Variants in PDIA2 observed in about 807,000 individuals in gnomAD.
PDIA2 encodes protein disulfide isomerase family A member 2, also known as protein disulfide-isomerase A2.
Under a neutral mutation model 51.1 loss-of-function variants are expected in PDIA2, and 76 were observed. The ratio of observed to expected loss-of-function variants is 1.49; its 90% CI spans 1.24 to 1.80. The LOEUF (loss-of-function observed/expected upper bound fraction) is 1.80, where lower values mean the gene tolerates loss of function less well. PDIA2 is among the 40% of genes most tolerant of loss of function. PDIA2 has a pLI of 0.00. For synonymous variants in PDIA2, 429 were observed against 309.9 expected (o/e 1.38, Z -4.04); for missense variants, 946 against 706.5 (o/e 1.34, Z -3.84).
intron 3 of PDIA2, 41 bp from the exon 4 acceptor site, chr16:284,837 G>A (rs1290074548): frequency 1.2e-6 from 2 of 1,605,720 alleles, no homozygotes; most frequent in Non-Finnish European, 1.7e-6. Context: ...GGCAGTGACT[G>A]TGGGTGGGAC....
rs372802684 is a variant in PDIA2 at position 284,812 on chromosome 16, G to T, written c.540+20G>T. The T allele has an allele frequency of 1.4e-5, 22 of 1,588,776 alleles. No individual in the cohort carries two copies. The South Asian group carries it at 1.5e-4, about 11-fold the overall frequency. ...TTCCAGGTGAGCCACTGGGCATGGG[G>T]GGCCGGGCCATGAGGGCAGTGACTG... On this transcript the variant is annotated intron_variant, in intron 3 of 10. Transcript: ENST00000219406.
intron 1 of PDIA2, 96 bp downstream of exon 1, chr16:283,464 C>T: frequency 7.8e-7 from 1 of 1,281,696 alleles, no homozygotes; most frequent in Non-Finnish European, 1.0e-6. Context: ...GGGCATGTGC[C>T]CAAGAGGGGC....
In PDIA2 at chr16:286,889, A is replaced by C. The variant is rs768913981; in HGVS notation, c.1477A>C (p.Asn493His). The change falls in exon 10 of 11, where the codon AAC (asparagine) becomes CAC (histidine). Residue 493 changes from asparagine to histidine, a missense_variant. By Grantham distance (68) the Asn-to-His change is moderately conservative (BLOSUM62 1). Coordinates refer to ENST00000219406, the MANE Select transcript of PDIA2 (RefSeq NM_006849.4). ...GGAGACTTTCTCCAAGTTCCTGGACAACGGGGGCGTGCTGCCCACGGAGGA... is the reference window on the plus strand; with the variant it reads ...GGAGACTTTCTCCAAGTTCCTGGACCACGGGGGCGTGCTGCCCACGGAGGA... ...DLETFSKFLDNGGVLPTEEPP... is the reference protein window; with the variant it reads ...DLETFSKFLDHGGVLPTEEPP... 6.2e-7 allele frequency: 1 copy of C among 1,600,788 alleles called. No individual in the cohort carries two copies. Among genetic ancestry groups the C allele is most frequent in the Non-Finnish European group, 8.5e-7 (1 of 1,175,976 alleles).
Position 284,690 on chromosome 16 carries a change from G to A in PDIA2, c.438G>A (p.Trp146Ter). 6.3e-7 allele frequency: 1 copy of A among 1,586,252 alleles called. No homozygotes were observed. The highest frequency in any genetic ancestry group is 2.3e-5 in the East Asian group (1 of 44,330). ...GPRDAEGIAE[W>*]LRRRVGPSAM... ...GGGACGCTGAGGGCATTGCCGAGTGGCTGCGACGGCGGGTGGGGCCCAGTG... is the reference window on the plus strand; with the variant it reads ...GGGACGCTGAGGGCATTGCCGAGTGACTGCGACGGCGGGTGGGGCCCAGTG... Residue 146 changes from tryptophan (W) to a stop codon, truncating the protein, a stop_gained, in exon 3 of 11, where the codon TGG (tryptophan) becomes TGA (stop). Coordinates refer to ENST00000219406, the MANE Select transcript of PDIA2 (RefSeq NM_006849.4). LOFTEE classifies it high-confidence loss of function.
intron 4 of PDIA2, 26 bp downstream of exon 4, chr16:285,041 G>A (rs1159486492): frequency 6.2e-7 from 1 of 1,613,152 alleles, no homozygotes; most frequent in Admixed American, 1.7e-5. Context: ...GTGTGGGTTG[G>A]GGTCCGGCTG....
intron 7 of PDIA2, among the ~76,000 whole-genome samples, chr16:285,949 CCCCAACCCCG>C (rs2052360853): frequency 3.4e-5 from 3 of 89,232 alleles, no homozygotes; most frequent in Non-Finnish European, 6.7e-5. Flanking sequence ...CCAACCCCAA[CCCCAACCCCG>C]CGGTTCTCCC....
Position 285,146 on chromosome 16 carries a change from G to C in PDIA2, c.741G>C (p.Leu247=), listed in dbSNP as rs369622450. 2.5e-6 allele frequency: 4 copies of C among 1,613,004 alleles called. No homozygotes were observed. The highest frequency in any genetic ancestry group is 4.5e-5 in the East Asian group (2 of 44,900). ...AGCTTGGCCTGGACCTGGGGGATCTGTCGCGCTTCCTGGTCACACACAGCA... is the reference window on the plus strand; with the variant it reads ...AGCTTGGCCTGGACCTGGGGGATCTCTCGCGCTTCCTGGTCACACACAGCA... ...DEELGLDLGD[L]SRFLVTHSMR... Residue 247 remains leucine (L), a synonymous_variant, in exon 5 of 11, where the codon CTG becomes CTC. Coordinates refer to ENST00000219406, the MANE Select transcript of PDIA2 (RefSeq NM_006849.4).
rs182349041 is a variant in PDIA2 at position 284,531 on chromosome 16, C to G, written c.344C>G (p.Thr115Arg). 1.6e-5 allele frequency: 25 copies of G among 1,612,382 alleles called. No homozygotes were observed. Among genetic ancestry groups the G allele is most frequent in the Non-Finnish European group, 2.0e-5 (24 of 1,179,676 alleles). Residue 115 changes from threonine (T) to arginine (R), a missense_variant, in exon 2 of 11, where the codon ACG becomes AGG. By Grantham distance (71) the Thr-to-Arg change is moderately conservative (BLOSUM62 -1). Transcript: ENST00000219406. ...GAGCTGGCTGAGGAGTTTGGTGTGA[C>G]GGAGTACCCTACGCTCAAGTTCTTC... ...QRELAEEFGV[T>R]EYPTLKFFRN...
At position 286,663 on chromosome 16, in the gene PDIA2, CA is replaced by C. The variant is rs1301403003; in HGVS notation, c.1352del (p.Asn451ThrfsTer25). 1 of 1,612,686 alleles carries C rather than the reference CA, an allele frequency of 6.2e-7. No individual in the cohort carries two copies. Among genetic ancestry groups the C allele is most frequent in the South Asian group, 1.1e-5 (1 of 91,078 alleles). On this transcript the variant is annotated frameshift_variant, in exon 9 of 11. Coordinates refer to ENST00000219406, the MANE Select transcript of PDIA2 (RefSeq NM_006849.4). LOFTEE classifies it high-confidence loss of function. ...TCATTGCTGAGCTGGATGCCACGGC[CA>C]ACGAGCTGGATGCCTTCGCTGTGCA... ...IIIAELDATA[N>X]ELDAFAVHGF...
chr16:283,273 A>T lies in PDIA2; in HGVS notation c.104A>T (p.Glu35Val). ...GARSPSEEPP[E>V]EEIPKEDGIL... ...AGGAGCCCCTCGGAGGAGCCTCCAG[A>T]GGAGGAAATCCCCAAGGAGGATGGG... Residue 35 changes from glutamate (E) to valine (V), a missense_variant, in exon 1 of 11, where the codon GAG becomes GTG. Coordinates refer to ENST00000219406, the MANE Select transcript of PDIA2 (RefSeq NM_006849.4). 1 of 1,610,116 alleles carries T rather than the reference A, an allele frequency of 6.2e-7. No homozygotes were observed. The highest frequency in any genetic ancestry group is 1.7e-5 in the Admixed American group (1 of 59,736).
At chr16:285,917 C>T (rs191658750) in intron 7 of PDIA2, among the ~76,000 whole-genome samples, 6 of 114,710 alleles carry the variant, frequency 5.2e-5, no homozygotes, top group Admixed American at 8.2e-5. Flanking sequence ...ACCCCAACCC[C>T]GCGGTTCTCC....
At chr16:285,902 T>TCCCAACCCCAACCCCAAC in intron 7 of PDIA2, among the ~76,000 whole-genome samples, 199 bp downstream of exon 7, 1 of 42,132 alleles carries the variant, frequency 2.4e-5, no homozygotes, top group African/African-American at 1.4e-4. Flanking sequence ...CCCGCGGTTC[T>TCCCAACCCCAACCCCAAC]CCCAACCCCA....
chr16:286,482 T>C lies in PDIA2; in HGVS notation c.1240+9T>C. On this transcript the variant is annotated intron_variant, in intron 8 of 10. Transcript: ENST00000219406. The stretch of plus-strand genomic sequence containing the variant: ...TGTGTTTGTCAAGTTCTGTGAGTGT[T>C]GAGGGAGGCAGGGGTGGTGTGGGCT... 1 of 1,613,044 alleles carries C rather than the reference T, an allele frequency of 6.2e-7. No individual in the cohort carries two copies. The highest frequency in any genetic ancestry group is 1.3e-5 in the African/African-American group (1 of 74,918).
At chr16:284,291 T>G (rs2052324241) in intron 1 of PDIA2, 96 bp from the exon 2 acceptor site, 1 of 1,253,106 alleles carries the variant, frequency 8.0e-7, no homozygotes, top group East Asian at 2.5e-5. Context: ...CAGGGCAGAA[T>G]GGAGCAGCAC....
Position 283,272 on chromosome 16 carries a change from G to GAGGAGGAAATCCCCA in PDIA2, c.111_125dup (p.Glu37_Glu41dup). 15 of 1,610,888 alleles carry GAGGAGGAAATCCCCA rather than the reference G, an allele frequency of 9.3e-6. No individual in the cohort carries two copies. Among genetic ancestry groups the GAGGAGGAAATCCCCA allele is most frequent in the Non-Finnish European group, 1.3e-5 (15 of 1,179,212 alleles). On this transcript the variant is annotated inframe_insertion, in exon 1 of 11. Transcript: ENST00000219406. ...GAGGAGCCCCTCGGAGGAGCCTCCA[G>GAGGAGGAAATCCCCA]AGGAGGAAATCCCCAAGGAGGATGG...
rs763790305 is a variant in PDIA2, at chr16:286,659, C to T, written c.1346C>T (p.Thr449Met). The T allele has an allele frequency of 2.5e-5, 41 of 1,612,562 alleles. No homozygotes were observed. The South Asian group carries it at 3.4e-4, about 13-fold the overall frequency. ...EDIIIAELDATANELDAFAVH... is the reference protein window; with the variant it reads ...EDIIIAELDAMANELDAFAVH... The stretch of plus-strand genomic sequence containing the variant: ...ATCATCATTGCTGAGCTGGATGCCA[C>T]GGCCAACGAGCTGGATGCCTTCGCT... Residue 449 changes from threonine to methionine, a missense_variant, in exon 9 of 11, where the codon ACG becomes ATG. Transcript: ENST00000219406.
chr16:285,891 ACCCGCGGTTCTCCCAACCCCAAC>A lies in PDIA2; in HGVS notation c.1119+215_1119+237del, dbSNP rs1178501351. 1.2e-3 allele frequency among the ~76,000 whole-genome samples: 78 copies of A among 65,910 alleles called. 1 individual carries two copies. Among genetic ancestry groups the A allele is most frequent in the Middle Eastern group, 6.5e-3 (1 of 154 alleles). 43.2% of individuals were successfully genotyped at this position (65,910 alleles called of 152,430 possible). A position where few individuals can be genotyped will look rare whatever the true frequency, so the allele number is the denominator to read the frequency against. ...AACCCGGCGGTTCTCCCAACCCCAA[ACCCGCGGTTCTCCCAACCCCAAC>A]CCCGCGGTTCTCCCAACCCCAACCC... On this transcript the variant is annotated intron_variant, in intron 7 of 10. Coordinates refer to ENST00000219406, the MANE Select transcript of PDIA2 (RefSeq NM_006849.4).
intron 1 of PDIA2, among the ~76,000 whole-genome samples, chr16:283,647 C>T (rs1002391994): frequency 3.3e-5 from 5 of 152,208 alleles, no homozygotes; most frequent in African/African-American, 7.2e-5. Flanking sequence ...ACCACCTTGC[C>T]GGCCACTCCT....
In PDIA2 at chr16:284,772, G is replaced by A. The variant is rs761632618; in HGVS notation, c.520G>A (p.Val174Met). ...AQALIGGRDL[V>M]VIGFFQDLQD... is the part of the protein sequence containing the mutation. ...GGCGCTGATCGGTGGCCGGGACCTA[G>A]TGGTCATTGGCTTCTTCCAGGTGAG... The change falls in exon 3 of 11, where the codon GTG (valine) becomes ATG (methionine). Residue 174 changes from valine to methionine, a missense_variant. By Grantham distance (21) the Val-to-Met change is conservative. Transcript: ENST00000219406. 6 of 1,568,526 alleles carry A rather than the reference G, an allele frequency of 3.8e-6. No homozygotes were observed. In the South Asian group the frequency reaches 5.9e-5, roughly 15 times the overall value.
Sources: allele counts gnomAD v4.1 joint callset (sites outside exome capture counted in the v4.1 genomes callset), GRCh38; gene constraint gnomAD v4.1.1; transcripts MANE v1.5; gene names NCBI Gene and HGNC (gene_info 2026-07-23, HGNC 2026-07-21).